The following COP1 variants were observed in gnomAD, a reference collection of about 807,000 sequenced individuals.
COP1 encodes the protein COP1 E3 ubiquitin ligase.
COP1 carries 24 observed loss-of-function variants against 101.3 expected under a neutral mutation model. That is an observed-to-expected ratio of 0.24 (90% CI 0.17 to 0.33). COP1 has a LOEUF of 0.33. Among genes scored for constraint, COP1 ranks in the 10% least tolerant of loss-of-function variants. The pLI, the probability that COP1 is intolerant of heterozygous loss-of-function variation, is 1.00. For missense variants in COP1, 663 were observed against 906.2 expected, an observed-to-expected ratio of 0.73 and a Z score of 3.45; for synonymous variants, 347 against 341.9, an observed-to-expected ratio of 1.01 and a Z score of -0.17.
At chr1:176,069,933 G>A (rs1676668974) in intron 11 of COP1, among the ~76,000 whole-genome samples, 3 of 152,054 alleles carry the variant, frequency 2.0e-5, no homozygotes, top group African/African-American at 4.8e-5. Flanking sequence ...TAGTTCCTCT[G>A]TAGCTACCAA....
At chr1:176,106,178 A>T (rs1572265501) in intron 9 of COP1, among the ~76,000 whole-genome samples, 1 of 151,944 alleles carries the variant, frequency 6.6e-6, no homozygotes, top group Non-Finnish European at 1.5e-5. Flanking sequence ...TTACAGGCAT[A>T]CATCACCACA....
intron 15 of COP1, among the ~76,000 whole-genome samples, chr1:176,027,088 T>G (rs1189249871): frequency 6.6e-6 from 1 of 152,122 alleles, no homozygotes; most frequent in Non-Finnish European, 1.5e-5. Flanking sequence ...TAGCAAACAT[T>G]TTTTGAATAC....
Position 176,120,598 on chromosome 1 carries a change from C to A in COP1, c.969-3917G>T, listed in dbSNP as rs147376515. On this transcript the variant is annotated intron_variant, in intron 8 of 19. Transcript: ENST00000367669. ...TGAGAAGCTTTGCTAAAAAAAGTAA[C>A]AACAATGCAGCTGTTAATTTGAGGT... is the stretch of plus-strand genomic sequence containing the variant. Among the ~76,000 whole-genome samples the A allele has an allele frequency of 9.3e-3, 1,408 of 152,180 alleles. 24 individuals carry two copies. The highest frequency in any genetic ancestry group is 0.032 in the African/African-American group (1,338 of 41,516).
chr1:175,978,310 T>G (rs1438963599), intron 18 of COP1, among the ~76,000 whole-genome samples: 1 of 152,100 alleles, frequency 6.6e-6, no homozygotes, highest in Admixed American at 6.6e-5. Context: ...ATGATAATAA[T>G]GAAAAATTTA....
intron 1 of COP1, among the ~76,000 whole-genome samples, chr1:176,197,371 G>A (rs1699810670): frequency 1.3e-5 from 2 of 152,150 alleles, no homozygotes; most frequent in African/African-American, 4.8e-5. Context: ...CAGTGTGATG[G>A]TGCCACTGTA....
At chr1:176,056,063 T>A (rs576345096) in intron 11 of COP1, among the ~76,000 whole-genome samples, 2 of 152,284 alleles carry the variant, frequency 1.3e-5, no homozygotes, top group South Asian at 4.1e-4. Context: ...TCCATTTTGA[T>A]CCCAGCGTTG....
chr1:176,071,451 C>T (rs981726693), intron 11 of COP1, among the ~76,000 whole-genome samples: 4 of 152,074 alleles, frequency 2.6e-5, no homozygotes, highest in African/African-American at 9.7e-5. Context: ...CTCGCTTAAC[C>T]GTCTGTGTCC....
At chr1:176,139,279 C>CAA (rs201417535) in intron 6 of COP1, among the ~76,000 whole-genome samples, 3,963 of 124,780 alleles carry the variant, frequency 0.032, 124 homozygotes, top group South Asian at 0.15. Flanking sequence ...AAAACAAAAA[C>CAA]AAAAAAAACA....
intron 16 of COP1, chr1:175,988,705 T>A (rs1237496854): frequency 1.9e-5 from 4 of 213,008 alleles, no homozygotes; most frequent in African/African-American, 9.1e-5. Context: ...TGGTAGCACG[T>A]GCCTGTAGTC....
In COP1 at chr1:176,162,898, G is replaced by C. The variant is rs1694552029; in HGVS notation, c.733C>G (p.Leu245Val). ...LANVNLMLELLVQKKKQLEAE... is the reference protein window; with the variant it reads ...LANVNLMLELVVQKKKQLEAE... Reference sequence around the variant, plus strand: ...TCCAGTTGTTTCTTCTTCTGCACTAGTAACTCCAACATAAGATTGACATTG... The same window carrying C: ...TCCAGTTGTTTCTTCTTCTGCACTACTAACTCCAACATAAGATTGACATTG... Residue 245 changes from leucine to valine, a missense_variant, in exon 5 of 20, where the codon CTA becomes GTA. Coordinates refer to ENST00000367669, the MANE Select transcript of COP1 (RefSeq NM_022457.7). 6.2e-7 allele frequency: 1 copy of C among 1,606,630 alleles called. No individual in the cohort carries two copies. The highest frequency in any genetic ancestry group is 8.5e-7 in the Non-Finnish European group (1 of 1,176,554).
intron 15 of COP1, among the ~76,000 whole-genome samples, chr1:176,013,824 C>T (rs1296268937): frequency 6.6e-6 from 1 of 152,132 alleles, no homozygotes; most frequent in Non-Finnish European, 1.5e-5. Context: ...TATTTAAATA[C>T]GTGCACATGT....
chr1:175,969,203 C>A (rs1346160177), intron 18 of COP1, among the ~76,000 whole-genome samples: 1 of 152,134 alleles, frequency 6.6e-6, no homozygotes, highest in Non-Finnish European at 1.5e-5. Context: ...TTCAATTTCT[C>A]CAAATATAAA....
chr1:176,113,209 T>C (rs1008781821), intron 9 of COP1, among the ~76,000 whole-genome samples: 1 of 152,176 alleles, frequency 6.6e-6, no homozygotes, highest in African/African-American at 2.4e-5. Flanking sequence ...TTTCTAACAT[T>C]TGTTACTTCT....
intron 15 of COP1, among the ~76,000 whole-genome samples, chr1:176,025,067 A>G (rs1050082284): frequency 5.3e-5 from 8 of 152,230 alleles, no homozygotes; most frequent in Non-Finnish European, 1.2e-4. Flanking sequence ...AATACAATTC[A>G]GTGTTAGAAA....
intron 15 of COP1, among the ~76,000 whole-genome samples, chr1:175,998,090 A>AAAAAAAAAAAAAAT (rs1660689933): frequency 9.7e-6 from 1 of 103,406 alleles, no homozygotes; most frequent in African/African-American, 3.4e-5. Flanking sequence ...AAAAAAAAAA[A>AAAAAAAAAAAAAAT]GAAAATGTGG....
At chr1:176,122,711 A>G (rs1687347402) in intron 8 of COP1, among the ~76,000 whole-genome samples, 1 of 152,224 alleles carries the variant, frequency 6.6e-6, no homozygotes, top group South Asian at 2.1e-4. Context: ...TAATACTTAT[A>G]CCGCCTTTTA....
chr1:176,092,034 A>G (rs1572180196), intron 9 of COP1, among the ~76,000 whole-genome samples: 1 of 152,192 alleles, frequency 6.6e-6, no homozygotes, highest in East Asian at 1.9e-4. Flanking sequence ...TCAATTTAAC[A>G]TAACCCATCT....
chr1:175,955,166 G>A (rs1439874111), intron 18 of COP1, among the ~76,000 whole-genome samples: 1 of 152,104 alleles, frequency 6.6e-6, no homozygotes, highest in Non-Finnish European at 1.5e-5. Context: ...AGAATCACCT[G>A]AGCCTGGGAA....
At chr1:175,946,520 C>T (rs207460659) in intron 19 of COP1, among the ~76,000 whole-genome samples, 7 of 152,188 alleles carry the variant, frequency 4.6e-5, no homozygotes, top group African/African-American at 1.4e-4. Context: ...CAGGTACTCT[C>T]AGAAACACGT....
Sources: allele counts gnomAD v4.1 joint callset (sites outside exome capture counted in the v4.1 genomes callset), GRCh38; gene constraint gnomAD v4.1.1; transcripts MANE v1.5; gene names NCBI Gene and HGNC (gene_info 2026-07-23, HGNC 2026-07-21).